The following IDE variants were observed in gnomAD, a reference collection of about 807,000 sequenced individuals.
The protein encoded by IDE is insulin degrading enzyme, also known as insulin-degrading enzyme.
A neutral mutation model predicts 133.2 loss-of-function variants in IDE; 58 were observed. That is an observed-to-expected ratio of 0.44 (90% CI 0.35 to 0.54). The LOEUF (loss-of-function observed/expected upper bound fraction) is 0.54, where lower values mean the gene tolerates loss of function less well. Among genes scored for constraint, IDE ranks in the 20% least tolerant of loss-of-function variants. The pLI, the probability that IDE is intolerant of heterozygous loss-of-function variation, is 0.00. For missense variants in IDE, 981 were observed against 1,234.0 expected (o/e 0.79, Z 3.07); for synonymous variants, 396 against 421.3 (o/e 0.94, Z 0.73).
chr10:92,565,913 CAGTTGAATTCATATCTCGCT>C (rs1338711044), intron 1 of IDE, among the ~76,000 whole-genome samples: 1 of 151,948 alleles, frequency 6.6e-6, no homozygotes, highest in Non-Finnish European at 1.5e-5. Flanking sequence ...TGAGTGAGCC[CAGTTGAATTCATATCTCGCT>C]AAGCCACTTA....
At chr10:92,542,808 C>T (rs1842372809) in intron 1 of IDE, among the ~76,000 whole-genome samples, 1 of 152,182 alleles carries the variant, frequency 6.6e-6, no homozygotes, top group Non-Finnish European at 1.5e-5. Context: ...ACAACAGGAA[C>T]TCCAGGTCAA....
At chr10:92,528,062 T>A (rs1383439151) in intron 4 of IDE, among the ~76,000 whole-genome samples, 1 of 152,204 alleles carries the variant, frequency 6.6e-6, no homozygotes, top group Non-Finnish European at 1.5e-5. Flanking sequence ...ATCTGAAGAT[T>A]TTCTTCAGTA....
intron 4 of IDE, among the ~76,000 whole-genome samples, chr10:92,528,585 T>C (rs959527555): frequency 2.0e-5 from 3 of 152,116 alleles, no homozygotes; most frequent in African/African-American, 7.2e-5. Context: ...AATTGCTAAA[T>C]AAAATGTGCT....
chr10:92,563,492 C>T (rs1047677894), intron 1 of IDE, among the ~76,000 whole-genome samples: 2 of 150,970 alleles, frequency 1.3e-5, no homozygotes, highest in African/African-American at 4.9e-5. Context: ...GTGGCTCAAA[C>T]CTGTAATTCC....
intron 14 of IDE, chr10:92,480,569 A>T (rs1364680630): frequency 6.6e-6 from 1 of 152,218 alleles, no homozygotes; most frequent in African/African-American, 2.4e-5. Flanking sequence ...CTGGACTCAG[A>T]CCTGAAGGAG....
intron 1 of IDE, among the ~76,000 whole-genome samples, chr10:92,546,229 T>C (rs1256366655): frequency 2.0e-5 from 3 of 152,194 alleles, no homozygotes; most frequent in Admixed American, 6.5e-5. Flanking sequence ...GGATAGTCAT[T>C]ACCCTTGGGA....
chr10:92,560,716 G>A (rs1843238866), intron 1 of IDE, among the ~76,000 whole-genome samples: 1 of 151,844 alleles, frequency 6.6e-6, no homozygotes, highest in African/African-American at 2.4e-5. Context: ...CCAGGAGGCG[G>A]AGGTTGCAGT....
At position 92,555,304 on chromosome 10, in the gene IDE, C is replaced by T. The variant is rs373751604; in HGVS notation, c.99-17754G>A. Among the ~76,000 whole-genome samples, 22 of 152,058 alleles carry T rather than the reference C, an allele frequency of 1.4e-4. No homozygotes were observed. The South Asian group carries it at 4.2e-3, about 29-fold the overall frequency. Reference sequence around the variant, plus strand: ...CCAGAGGCCAGGAGTTCAAGACCAGCCTGACCAACATGGTGAAATCCCATC... The same window carrying T: ...CCAGAGGCCAGGAGTTCAAGACCAGTCTGACCAACATGGTGAAATCCCATC... On this transcript the variant is annotated intron_variant, in intron 1 of 24. Coordinates refer to ENST00000265986, the MANE Select transcript of IDE (RefSeq NM_004969.4).
intron 11 of IDE, chr10:92,497,749 T>C: frequency 4.1e-6 from 4 of 976,402 alleles, no homozygotes; most frequent in Non-Finnish European, 4.9e-6. Context: ...ACTGACCTAC[T>C]ACAGTTACAA....
intron 17 of IDE, among the ~76,000 whole-genome samples, chr10:92,472,109 G>A (rs1201063509): frequency 6.6e-6 from 1 of 152,116 alleles, no homozygotes; most frequent in African/African-American, 2.4e-5. Flanking sequence ...TTGGATTATT[G>A]TAGGAGTATA....
intron 1 of IDE, among the ~76,000 whole-genome samples, chr10:92,556,974 CTTAAACT>C (rs1435798884): frequency 4.0e-5 from 6 of 148,498 alleles, no homozygotes; most frequent in African/African-American, 1.5e-4. Context: ...AAATGTAAAA[CTTAAACT>C]TTAAATGGAA....
chr10:92,477,863 A>G (rs1221924787), intron 15 of IDE, among the ~76,000 whole-genome samples: 4 of 152,232 alleles, frequency 2.6e-5, no homozygotes, highest in Non-Finnish European at 4.4e-5. Flanking sequence ...GGTTAGATTA[A>G]TAAACATTCT....
chr10:92,485,125 C>CTTTTTTTTTTTTT (rs34615998), intron 13 of IDE, among the ~76,000 whole-genome samples: 38 of 100,862 alleles, frequency 3.8e-4, no homozygotes, highest in African/African-American at 6.7e-4. Flanking sequence ...TTCTTTCTTT[C>CTTTTTTTTTTTTT]TTTTTTTTTT....
chr10:92,546,562 T>C (rs973440811), intron 1 of IDE, among the ~76,000 whole-genome samples: 4 of 152,158 alleles, frequency 2.6e-5, no homozygotes, highest in African/African-American at 4.8e-5. Flanking sequence ...TAAGGAACAG[T>C]AGTACAATTA....
chr10:92,558,177 T>C (rs1189927186), intron 1 of IDE, among the ~76,000 whole-genome samples: 4 of 151,960 alleles, frequency 2.6e-5, no homozygotes, highest in Non-Finnish European at 4.4e-5. Flanking sequence ...CTCAGTCTCC[T>C]GAGTAGCTGG....
At chr10:92,476,146 G>GT in intron 15 of IDE, 152 bp from the exon 16 acceptor site, 3 of 524,750 alleles carry the variant, frequency 5.7e-6, no homozygotes, top group Non-Finnish European at 1.0e-5. Flanking sequence ...TATATATAGT[G>GT]TAACACTTAG....
rs1844958252 is a variant in IDE, at chr10:92,455,604, T to G, written c.2936A>C (p.Asn979Thr). The G allele has an allele frequency of 1.9e-6, 3 of 1,603,010 alleles. No homozygotes were observed. The highest frequency in any genetic ancestry group is 2.6e-6 in the Non-Finnish European group (3 of 1,170,088). The part of the protein sequence containing the change: ...VGEFPCQNDI[N>T]LSQAPALPQP... ...TGGCAAGGCTGGTGCTTGTGACAAA[T>G]TTATGTCATTTTGACATGGGAACTC... The change falls in exon 24 of 25, where the codon AAT (asparagine) becomes ACT (threonine). Residue 979 changes from asparagine to threonine, a missense_variant. By Grantham distance (65) the Asn-to-Thr change is moderately conservative. This residue lies in a region of IDE where 660 missense variants were observed against 894.7 expected (regional missense o/e 0.74). Transcript: ENST00000265986.
chr10:92,556,179 C>CCAA (rs1842997059), intron 1 of IDE, among the ~76,000 whole-genome samples: 1 of 69,210 alleles, frequency 1.4e-5, no homozygotes, highest in Non-Finnish European at 2.5e-5. Flanking sequence ...GACTCCGTCT[C>CCAA]AAAAAAAAAA....
intron 1 of IDE, among the ~76,000 whole-genome samples, chr10:92,553,294 C>T (rs1039551027): frequency 6.6e-6 from 1 of 151,776 alleles, no homozygotes; most frequent in Non-Finnish European, 1.5e-5. Flanking sequence ...TGTGGTGGCA[C>T]ACGCCTGTAG....
Sources: gnomAD v4.1 joint callset for allele counts (sites outside exome capture counted in the v4.1 genomes callset) on GRCh38, gnomAD v4.1.1 for gene constraint, gnomAD v4.1.1 regional missense constraint, MANE v1.5 for transcripts, NCBI Gene and HGNC (gene_info 2026-07-23, HGNC 2026-07-21) for gene names.